Variants in GNAQ observed in about 807,000 individuals in gnomAD.
GNAQ encodes the protein G protein subunit alpha q.
Under a neutral mutation model 43.9 loss-of-function variants are expected in GNAQ, and 8 were observed. The observed-to-expected ratio is 0.18, with a 90% CI of 0.11 to 0.33. The LOEUF (loss-of-function observed/expected upper bound fraction) is 0.33, where lower values mean the gene tolerates loss of function less well. Ranked by LOEUF, GNAQ falls within the 10% of genes least tolerant of loss-of-function variation. The pLI is 1.00. For missense variants in GNAQ, 158 were observed against 450.8 expected, an observed-to-expected ratio of 0.35 and a Z score of 5.88; for synonymous variants, 155 against 170.7, an observed-to-expected ratio of 0.91 and a Z score of 0.71.
chr9:77,892,228 T>C (rs1479029191), intron 2 of GNAQ, among the ~76,000 whole-genome samples: 1 of 152,210 alleles, frequency 6.6e-6, no homozygotes, highest in African/African-American at 2.4e-5. Context: ...TCTCCCCTGC[T>C]TTGTCTTCAT....
Position 77,720,115 on chromosome 9 carries a change from G to A in GNAQ, c.*1208C>T, listed in dbSNP as rs1248080559. 1.3e-5 allele frequency: 3 copies of A among 232,708 alleles called. No individual in the cohort carries two copies. Among genetic ancestry groups the A allele is most frequent in the African/African-American group, 2.2e-5 (1 of 45,308 alleles). The allele number at this position is 232,708 out of a possible 1,614,324, so 14.4% of individuals were successfully genotyped here. A position where few individuals can be genotyped will look rare whatever the true frequency, so the allele number is the denominator to read the frequency against. Reference sequence around the variant, plus strand: ...CCGGTTTGGACACTGAACATGGGACGTGAACACTAACAATGTCATCTTAAG... The same window carrying A: ...CCGGTTTGGACACTGAACATGGGACATGAACACTAACAATGTCATCTTAAG... On this transcript the variant is annotated 3_prime_UTR_variant, in exon 7 of 7. Coordinates refer to ENST00000286548, the MANE Select transcript of GNAQ (RefSeq NM_002072.5).
chr9:77,761,991 T>C (rs1473455754), intron 5 of GNAQ, among the ~76,000 whole-genome samples: 1 of 97,952 alleles, frequency 1.0e-5, no homozygotes, highest in African/African-American at 4.0e-5. Flanking sequence ...GTCCGGGAGG[T>C]GAGGGGCGCC....
intron 5 of GNAQ, among the ~76,000 whole-genome samples, chr9:77,729,734 A>AT (rs1488887172): frequency 6.6e-6 from 1 of 152,124 alleles, no homozygotes; most frequent in Non-Finnish European, 1.5e-5. Context: ...TCTCCATGTT[A>AT]TGACTGGGTT....
At chr9:78,000,841 C>T (rs920212542) in intron 1 of GNAQ, among the ~76,000 whole-genome samples, 1 of 152,046 alleles carries the variant, frequency 6.6e-6, no homozygotes, top group African/African-American at 2.4e-5. Context: ...AAAACCCTCA[C>T]AGAAAAAAAT....
At chr9:77,979,635 G>A (rs1319964067) in intron 1 of GNAQ, among the ~76,000 whole-genome samples, 1 of 152,040 alleles carries the variant, frequency 6.6e-6, no homozygotes, top group Non-Finnish European at 1.5e-5. Flanking sequence ...CCAAGGGGGG[G>A]GAGACTGAAC....
intron 5 of GNAQ, among the ~76,000 whole-genome samples, chr9:77,744,499 G>C (rs561579349): frequency 6.6e-6 from 1 of 152,198 alleles, no homozygotes; most frequent in East Asian, 1.9e-4. Flanking sequence ...AACACCAGCC[G>C]TAAAAGATTT....
At chr9:77,976,069 C>T (rs1823298114) in intron 1 of GNAQ, among the ~76,000 whole-genome samples, 1 of 152,134 alleles carries the variant, frequency 6.6e-6, no homozygotes, top group Admixed American at 6.6e-5. Flanking sequence ...AGCTCCATGC[C>T]CAGTTTGAGG....
intron 5 of GNAQ, among the ~76,000 whole-genome samples, chr9:77,756,262 T>C (rs946676231): frequency 2.0e-5 from 3 of 152,252 alleles, no homozygotes; most frequent in Non-Finnish European, 4.4e-5. Context: ...CTATTAATTC[T>C]GTCCCTCTAG....
intron 2 of GNAQ, among the ~76,000 whole-genome samples, chr9:77,883,528 A>C (rs1296878755): frequency 2.7e-5 from 4 of 150,798 alleles, no homozygotes; most frequent in Non-Finnish European, 5.9e-5. Context: ...CAGGCAGTAC[A>C]TGTGCATGTT....
chr9:77,853,568 C>T (rs1332842977), intron 2 of GNAQ, among the ~76,000 whole-genome samples: 2 of 151,994 alleles, frequency 1.3e-5, no homozygotes, highest in African/African-American at 4.8e-5. Context: ...CCGGACAATA[C>T]AAATATATCA....
intron 2 of GNAQ, among the ~76,000 whole-genome samples, chr9:77,920,784 C>G (rs1160069428): frequency 2.0e-5 from 3 of 152,118 alleles, no homozygotes; most frequent in Non-Finnish European, 4.4e-5. Context: ...ACCGGAAAAC[C>G]AGGTATGAAA....
rs141122534 is a variant in GNAQ, at chr9:77,899,731, A to G, written c.321+22430T>C. On this transcript the variant is annotated intron_variant, in intron 2 of 6. Coordinates refer to ENST00000286548, the MANE Select transcript of GNAQ (RefSeq NM_002072.5). ...AGACAGCAGAGGTCAGAGGCAAAAG[A>G]CCATCTGACTGGACCTCAGAGAACT... Among the ~76,000 whole-genome samples, 1,053 of 152,200 alleles carry G rather than the reference A, an allele frequency of 6.9e-3. 16 individuals are homozygous for G. The highest frequency in any genetic ancestry group is 0.024 in the African/African-American group (980 of 41,532).
intron 1 of GNAQ, among the ~76,000 whole-genome samples, chr9:78,014,830 C>G (rs1564178773): frequency 6.6e-6 from 1 of 152,120 alleles, no homozygotes. Context: ...AGTCCTACAC[C>G]ACATTAACAA....
intron 1 of GNAQ, among the ~76,000 whole-genome samples, chr9:77,976,779 G>C (rs534312774): frequency 3.9e-5 from 6 of 152,300 alleles, no homozygotes; most frequent in African/African-American, 1.4e-4. Flanking sequence ...ATAAAAAGCA[G>C]ATATTTTATT....
chr9:77,793,387 A>G (rs1826607553), intron 5 of GNAQ, among the ~76,000 whole-genome samples: 1 of 152,168 alleles, frequency 6.6e-6, no homozygotes, highest in South Asian at 2.1e-4. Context: ...CTATATAGAC[A>G]TTGGTTCACG....
chr9:77,896,513 C>CT lies in GNAQ; in HGVS notation c.321+25647dup, dbSNP rs200462121. On this transcript the variant is annotated intron_variant, in intron 2 of 6. Coordinates refer to ENST00000286548, the MANE Select transcript of GNAQ (RefSeq NM_002072.5). ...TTAATATGCAGCAATAAAATAAAAACTTTTTTTATACAACGACAATGCCAA... is the reference window on the plus strand; with the variant it reads ...TTAATATGCAGCAATAAAATAAAAACTTTTTTTTATACAACGACAATGCCAA... Among the ~76,000 whole-genome samples the CT allele has an allele frequency of 7.5e-3, 1,134 of 152,206 alleles. 7 individuals carry two copies. Among genetic ancestry groups the CT allele is most frequent in the Admixed American group, 0.011 (170 of 15,290 alleles).
At chr9:77,835,778 T>C (rs1352572105) in intron 2 of GNAQ, among the ~76,000 whole-genome samples, 1 of 152,182 alleles carries the variant, frequency 6.6e-6, no homozygotes, top group Non-Finnish European at 1.5e-5. Context: ...TTTAACCCAG[T>C]AAGGCTGGTC....
At chr9:77,928,976 T>C (rs1829108851) in intron 1 of GNAQ, among the ~76,000 whole-genome samples, 1 of 152,154 alleles carries the variant, frequency 6.6e-6, no homozygotes, top group African/African-American at 2.4e-5. Flanking sequence ...TGAGATCGCA[T>C]CATTGCACTT....
At chr9:77,810,420 T>G (rs1308010196) in intron 3 of GNAQ, among the ~76,000 whole-genome samples, 2 of 152,342 alleles carry the variant, frequency 1.3e-5, no homozygotes, top group South Asian at 4.1e-4. Flanking sequence ...AGTTTCCTCT[T>G]ATGTTAGACG....
Sources: gnomAD v4.1 joint callset for allele counts (sites outside exome capture counted in the v4.1 genomes callset) on GRCh38, gnomAD v4.1.1 for gene constraint, MANE v1.5 for transcripts, NCBI Gene and HGNC (gene_info 2026-07-23, HGNC 2026-07-21) for gene names.